The following GCNT2 variants were observed in gnomAD, a reference collection of about 807,000 sequenced individuals.
GCNT2 encodes N-acetyllactosaminide beta-1,6-N-acetylglucosaminyl-transferase.
GCNT2 carries 34 observed loss-of-function variants against 34.2 expected under a neutral mutation model. That is an observed-to-expected ratio of 1.00 (90% CI 0.76 to 1.32). The LOEUF is 1.32. Among genes scored for constraint, GCNT2 ranks in the 40% most tolerant of loss-of-function variants. The pLI, the probability that GCNT2 is intolerant of heterozygous loss-of-function variation, is 0.00. For synonymous variants in GCNT2, 212 were observed against 188.0 expected, an observed-to-expected ratio of 1.13 and a Z score of -1.04; for missense variants, 584 against 489.4, an observed-to-expected ratio of 1.19 and a Z score of -1.82.
chr6:10,607,648 A>G (rs1765381853), intron 3 of GCNT2, among the ~76,000 whole-genome samples: 2 of 152,220 alleles, frequency 1.3e-5, no homozygotes, highest in African/African-American at 2.4e-5. Context: ...GTAGAGTGCT[A>G]TCATTTGAAT....
intron 3 of GCNT2, among the ~76,000 whole-genome samples, chr6:10,542,642 A>G (rs1762087460): frequency 6.6e-6 from 1 of 152,104 alleles, no homozygotes; most frequent in Admixed American, 6.6e-5. Flanking sequence ...ACTTATTGCC[A>G]TGTTTTTAAG....
At chr6:10,609,853 C>T (rs989087905) in intron 3 of GCNT2, among the ~76,000 whole-genome samples, 6 of 151,992 alleles carry the variant, frequency 3.9e-5, no homozygotes, top group Non-Finnish European at 7.4e-5. Context: ...TGGTAAGAGG[C>T]GGCAGAAGAG....
intron 3 of GCNT2, among the ~76,000 whole-genome samples, chr6:10,539,258 C>T (rs1327455680): frequency 5.2e-5 from 7 of 134,240 alleles, no homozygotes; most frequent in Admixed American, 3.4e-4. Flanking sequence ...GGTGCGATCT[C>T]GGCCCACTGC....
chr6:10,577,118 C>T (rs1404772768), intron 3 of GCNT2, among the ~76,000 whole-genome samples: 1 of 152,166 alleles, frequency 6.6e-6, no homozygotes, highest in Non-Finnish European at 1.5e-5. Flanking sequence ...AAGAAGCACT[C>T]AGGAGGCTGG....
At chr6:10,597,942 G>C (rs776785977) in intron 3 of GCNT2, among the ~76,000 whole-genome samples, 1 of 152,148 alleles carries the variant, frequency 6.6e-6, no homozygotes, top group Non-Finnish European at 1.5e-5. Context: ...AAGTGCTTTC[G>C]AGTACTGTGT....
At chr6:10,616,609 A>T (rs934774636) in intron 3 of GCNT2, among the ~76,000 whole-genome samples, 1 of 152,126 alleles carries the variant, frequency 6.6e-6, no homozygotes, top group Non-Finnish European at 1.5e-5. Flanking sequence ...CGATTGCTGC[A>T]TTCACAATCC....
chr6:10,539,103 G>A (rs1221092869), intron 3 of GCNT2, among the ~76,000 whole-genome samples: 1 of 150,306 alleles, frequency 6.7e-6, no homozygotes, highest in Non-Finnish European at 1.5e-5. Flanking sequence ...TAGAGTTGGA[G>A]AGTAGCTCAC....
chr6:10,564,234 G>A (rs1301829728), intron 3 of GCNT2, among the ~76,000 whole-genome samples: 1 of 152,098 alleles, frequency 6.6e-6, no homozygotes, highest in Non-Finnish European at 1.5e-5. Context: ...ATATGAAGAC[G>A]GGACCAGAGG....
intron 3 of GCNT2, chr6:10,582,010 G>GTA (rs202136310): frequency 0.012 from 2,360 of 204,286 alleles, 47 homozygotes; most frequent in African/African-American, 0.046. Context: ...ATATTTATGT[G>GTA]TATATATGTA....
intron 2 of GCNT2, 45 bp downstream of exon 2, chr6:10,527,705 A>C (rs952556432): frequency 6.7e-6 from 1 of 148,488 alleles, no homozygotes; most frequent in Non-Finnish European, 1.5e-5. Context: ...GGTAAGAGAT[A>C]CGTGTGTATG....
chr6:10,529,723 G>A lies in GCNT2; in HGVS notation c.812G>A (p.Arg271Lys), dbSNP rs766980413. ...YFGTAYVALT[R>K]DFANFVLQDQ... ...GGCACGGCCTACGTGGCTCTCACAA[G>A]GGACTTTGCTAACTTCGTCCTCCAA... The change falls in exon 3 of 5, where the codon AGG becomes AAG. Residue 271 changes from arginine (R) to lysine (K), a missense_variant. Coordinates refer to ENST00000495262, the MANE Select transcript of GCNT2 (RefSeq NM_145649.5). 1.9e-6 allele frequency: 3 copies of A among 1,614,048 alleles called. No individual in the cohort carries two copies. The highest frequency in any genetic ancestry group is 2.2e-5 in the South Asian group (2 of 91,080).
At chr6:10,602,259 A>G (rs1765120130) in intron 3 of GCNT2, among the ~76,000 whole-genome samples, 1 of 152,204 alleles carries the variant, frequency 6.6e-6, no homozygotes, top group African/African-American at 2.4e-5. Context: ...TGCACAGCTC[A>G]AGAAACCATG....
At chr6:10,563,263 T>C (rs1315517335) in intron 3 of GCNT2, among the ~76,000 whole-genome samples, 1 of 152,180 alleles carries the variant, frequency 6.6e-6, no homozygotes, top group Non-Finnish European at 1.5e-5. Context: ...TTTGTACAAT[T>C]TTAACTGACC....
At chr6:10,613,830 C>G (rs1405244125) in intron 3 of GCNT2, among the ~76,000 whole-genome samples, 2 of 152,110 alleles carry the variant, frequency 1.3e-5, no homozygotes, top group African/African-American at 2.4e-5. Flanking sequence ...GGTTTGGAGA[C>G]GTTGGATGAT....
chr6:10,617,686 A>T (rs536657006), intron 3 of GCNT2, among the ~76,000 whole-genome samples: 2 of 151,672 alleles, frequency 1.3e-5, no homozygotes, highest in South Asian at 4.2e-4. Context: ...CTGACACCTC[A>T]GCCTCCCAAA....
intron 3 of GCNT2, among the ~76,000 whole-genome samples, chr6:10,603,646 G>T (rs1393799405): frequency 6.6e-6 from 1 of 151,686 alleles, no homozygotes; most frequent in Non-Finnish European, 1.5e-5. Flanking sequence ...CTCCTGAGTA[G>T]CTGGGACTGC....
chr6:10,606,603 C>CTTCCATTAAAGAAATTTAATGGAAAT (rs70991032), intron 3 of GCNT2, among the ~76,000 whole-genome samples: 2,419 of 60,498 alleles, frequency 0.04, 495 homozygotes, highest in African/African-American at 0.13. Flanking sequence ...GTACCTTTAA[C>CTTCCATTAAAGAAATTTAATGGAAAT]TTCCATTAAA....
chr6:10,530,471 T>G (rs146160068), intron 3 of GCNT2, among the ~76,000 whole-genome samples: 86 of 152,298 alleles, frequency 5.6e-4, no homozygotes, highest in African/African-American at 2.0e-3. Context: ...ATTTGAAGAT[T>G]TCATAATATT....
chr6:10,578,637 G>C (rs538514861), intron 3 of GCNT2, among the ~76,000 whole-genome samples: 19 of 151,738 alleles, frequency 1.3e-4, no homozygotes, highest in East Asian at 2.0e-4. Flanking sequence ...TAGTAGAGAC[G>C]GGGTTTCATC....
Sources: allele counts gnomAD v4.1 joint callset (sites outside exome capture counted in the v4.1 genomes callset), GRCh38; gene constraint gnomAD v4.1.1; transcripts MANE v1.5; gene names NCBI Gene and HGNC (gene_info 2026-07-23, HGNC 2026-07-21).